Variants in PLCB1 observed in about 807,000 individuals in gnomAD.
The protein encoded by PLCB1 is phospholipase C beta 1, also known as 1-phosphatidylinositol 4,5-bisphosphate phosphodiesterase beta-1.
Under a neutral mutation model 161.8 loss-of-function variants are expected in PLCB1, and 46 were observed. The ratio of observed to expected loss-of-function variants is 0.28; its 90% CI spans 0.22 to 0.36. The LOEUF is 0.36. Among genes scored for constraint, PLCB1 ranks in the 10% least tolerant of loss-of-function variants. PLCB1 has a pLI of 1.00. For synonymous variants in PLCB1, 517 were observed against 503.7 expected (o/e 1.03, Z -0.35); for missense variants, 1,016 against 1,472.5 (o/e 0.69, Z 5.07).
intron 9 of PLCB1, among the ~76,000 whole-genome samples, chr20:8,667,904 T>C (rs1989852489): frequency 2.0e-5 from 3 of 152,232 alleles, no homozygotes; most frequent in Middle Eastern, 6.8e-3. Flanking sequence ...GAACACAGCA[T>C]TGACAATTGT....
chr20:8,307,284 T>G lies in PLCB1; in HGVS notation c.178-64098T>G, dbSNP rs371085835. Among the ~76,000 whole-genome samples, 10 of 152,256 alleles carry G rather than the reference T, an allele frequency of 6.6e-5. No homozygotes were observed. In the South Asian group the frequency reaches 8.3e-4, roughly 13 times the overall value. On this transcript the variant is annotated intron_variant, in intron 2 of 31. Coordinates refer to ENST00000338037, the MANE Select transcript of PLCB1 (RefSeq NM_015192.4). ...AAAGGCTCTGTCTCTGGATTCAGCTTTAACTGGTTCTAAAATAATGAAGCA... is the reference window on the plus strand; with the variant it reads ...AAAGGCTCTGTCTCTGGATTCAGCTGTAACTGGTTCTAAAATAATGAAGCA...
rs140555848 is a variant in PLCB1, at chr20:8,252,329, A to T, written c.177+101958A>T. ...TAGCCACCAAAATCTCTTGGATGTG[A>T]ACCTGCTGACTTCCCTTGTGAAAAC... On this transcript the variant is annotated intron_variant, in intron 2 of 31. Coordinates refer to ENST00000338037, the MANE Select transcript of PLCB1 (RefSeq NM_015192.4). 5.5e-4 allele frequency among the ~76,000 whole-genome samples: 84 copies of T among 152,044 alleles called. 1 individual carries two copies. The highest frequency in any genetic ancestry group is 9.8e-4 in the Admixed American group (15 of 15,248).
At chr20:8,530,760 T>C (rs529122284) in intron 3 of PLCB1, among the ~76,000 whole-genome samples, 14 of 152,238 alleles carry the variant, frequency 9.2e-5, no homozygotes, top group African/African-American at 3.1e-4. Context: ...ATGAACACTT[T>C]CAGTTTTTAT....
intron 4 of PLCB1, among the ~76,000 whole-genome samples, chr20:8,629,963 C>CT (rs1330490515): frequency 5.0e-4 from 56 of 111,136 alleles, no homozygotes; most frequent in Admixed American, 2.1e-3. Flanking sequence ...TTCTTTCTTT[C>CT]TTCTTTCTTT....
chr20:8,576,398 T>TC (rs1986674658), intron 3 of PLCB1, among the ~76,000 whole-genome samples: 1 of 152,180 alleles, frequency 6.6e-6, no homozygotes. Context: ...AGAAAGACAC[T>TC]CTGATCAGAC....
At chr20:8,187,909 G>A (rs1303659268) in intron 2 of PLCB1, among the ~76,000 whole-genome samples, 1 of 152,060 alleles carries the variant, frequency 6.6e-6, no homozygotes, top group Non-Finnish European at 1.5e-5. Context: ...AACTAGATAT[G>A]ATAAAACCTT....
At chr20:8,572,267 C>T (rs1176491872) in intron 3 of PLCB1, among the ~76,000 whole-genome samples, 1 of 152,112 alleles carries the variant, frequency 6.6e-6, no homozygotes, top group South Asian at 2.1e-4. Flanking sequence ...TACATGAACA[C>T]CCTACCAGCC....
At chr20:8,440,826 ATG>A (rs1421391896) in intron 3 of PLCB1, among the ~76,000 whole-genome samples, 2 of 151,430 alleles carry the variant, frequency 1.3e-5, no homozygotes, top group Non-Finnish European at 2.9e-5. Context: ...GAAATGATAA[ATG>A]TTTTTGATTT....
At chr20:8,324,089 C>A (rs1985036362) in intron 2 of PLCB1, among the ~76,000 whole-genome samples, 1 of 151,996 alleles carries the variant, frequency 6.6e-6, no homozygotes, top group South Asian at 2.1e-4. Context: ...AGAGTGACTG[C>A]TATAATCATA....
At chr20:8,546,182 G>A (rs1034197230) in intron 3 of PLCB1, among the ~76,000 whole-genome samples, 4 of 105,358 alleles carry the variant, frequency 3.8e-5, no homozygotes, top group African/African-American at 7.8e-5. Flanking sequence ...GGGCATGGTG[G>A]CGTATCCTGT....
rs187201394 is a variant in PLCB1, at chr20:8,799,650, C to T, written c.3423+9389C>T. Among the ~76,000 whole-genome samples, 710 of 152,096 alleles carry T rather than the reference C, an allele frequency of 4.7e-3. 5 individuals are homozygous for T. The highest frequency in any genetic ancestry group is 0.042 in the South Asian group (204 of 4,810). ...AACCAATAGCTGATTTAACTATGAC[C>T]TTCAATATTTTAAAGGGAAAAGATG... On this transcript the variant is annotated intron_variant, in intron 31 of 31. Coordinates refer to ENST00000338037, the MANE Select transcript of PLCB1 (RefSeq NM_015192.4).
chr20:8,491,666 T>C (rs1320400490), intron 3 of PLCB1, among the ~76,000 whole-genome samples: 2 of 152,174 alleles, frequency 1.3e-5, no homozygotes, highest in Non-Finnish European at 1.5e-5. Context: ...TTCAGAGTTA[T>C]TGCTCTCTGA....
Position 8,849,482 on chromosome 20 carries a change from C to A in PLCB1, c.3424-32140C>A, listed in dbSNP as rs567492125. On this transcript the variant is annotated intron_variant, in intron 31 of 31. Transcript: ENST00000338037. ...CCTGAGGTCAGGAGTTCGAGACTAG[C>A]CTGGCCAACATGGCAAAACCCCATC... 4.0e-3 allele frequency among the ~76,000 whole-genome samples: 601 copies of A among 151,466 alleles called. 1 individual carries two copies. Among genetic ancestry groups the A allele is most frequent in the Non-Finnish European group, 6.2e-3 (420 of 67,882 alleles).
At chr20:8,751,594 A>T (rs1170344738) in intron 23 of PLCB1, 1 of 152,224 alleles carries the variant, frequency 6.6e-6, no homozygotes, top group Admixed American at 6.5e-5. Flanking sequence ...TAATTTTAAC[A>T]TTCAAGTTAG....
intron 2 of PLCB1, among the ~76,000 whole-genome samples, chr20:8,216,898 C>T (rs1198193087): frequency 6.6e-6 from 1 of 152,136 alleles, no homozygotes; most frequent in African/African-American, 2.4e-5. Context: ...ATAGTGGTGT[C>T]AACCCACTTC....
chr20:8,300,118 A>G (rs1251691130), intron 2 of PLCB1, among the ~76,000 whole-genome samples: 1 of 152,150 alleles, frequency 6.6e-6, no homozygotes, highest in Non-Finnish European at 1.5e-5. Flanking sequence ...GGCTTCAGCT[A>G]AGAAGACTGG....
chr20:8,558,071 A>G (rs544243045), intron 3 of PLCB1, among the ~76,000 whole-genome samples: 1 of 151,874 alleles, frequency 6.6e-6, no homozygotes, highest in Non-Finnish European at 1.5e-5. Flanking sequence ...GAGTACAAAA[A>G]CATAGGAAAA....
At chr20:8,479,763 G>A (rs190400820) in intron 3 of PLCB1, among the ~76,000 whole-genome samples, 2 of 152,168 alleles carry the variant, frequency 1.3e-5, no homozygotes, top group Non-Finnish European at 2.9e-5. Flanking sequence ...TGCTTGTGTG[G>A]TATGACTCCT....
At chr20:8,286,292 C>G (rs1294552374) in intron 2 of PLCB1, among the ~76,000 whole-genome samples, 1 of 152,134 alleles carries the variant, frequency 6.6e-6, no homozygotes, top group East Asian at 1.9e-4. Flanking sequence ...CCACTGCACT[C>G]CAGTCTGGGT....
Sources: allele counts gnomAD v4.1 joint callset (sites outside exome capture counted in the v4.1 genomes callset), GRCh38; gene constraint gnomAD v4.1.1; transcripts MANE v1.5; gene names NCBI Gene and HGNC (gene_info 2026-07-23, HGNC 2026-07-21).